The following STXBP5L variants were observed in gnomAD, a reference collection of about 807,000 sequenced individuals.
The protein encoded by STXBP5L is syntaxin-binding protein 5-like.
STXBP5L carries 65 observed loss-of-function variants against 144.5 expected under a neutral mutation model. The observed-to-expected ratio is 0.45, with a 90% confidence interval of 0.37 to 0.55. The LOEUF is 0.55. Among genes scored for constraint, STXBP5L ranks in the 20% least tolerant of loss-of-function variants. The probability of loss-of-function intolerance (pLI) is 0.00; values close to 1 mark genes in which losing one functional copy is unlikely to be tolerated. For missense variants in STXBP5L, 1,298 were observed against 1,405.5 expected (o/e 0.92, Z 1.22); for synonymous variants, 505 against 469.6 (o/e 1.08, Z -0.97).
chr3:121,111,249 A>G (rs896757697), intron 5 of STXBP5L, among the ~76,000 whole-genome samples: 8 of 152,130 alleles, frequency 5.3e-5, no homozygotes, highest in Admixed American at 4.6e-4. Flanking sequence ...CAATTCATTC[A>G]TTTCAGCCCT....
rs762254765 is a variant in STXBP5L at position 121,132,780 on chromosome 3, G to C, written c.669+11076G>C. ...GAACAAAACTAGAATTTTCAGGAAAGAGAAAATATTTAAAAGTACTAAACA... is the reference window on the plus strand; with the variant it reads ...GAACAAAACTAGAATTTTCAGGAAACAGAAAATATTTAAAAGTACTAAACA... On this transcript the variant is annotated intron_variant, in intron 7 of 26. Coordinates refer to ENST00000471454, the MANE Select transcript of STXBP5L (RefSeq NM_001308330.2). 2.6e-5 allele frequency among the ~76,000 whole-genome samples: 4 copies of C among 151,956 alleles called. 1 individual carries two copies. Among genetic ancestry groups the C allele is most frequent in the Admixed American group, 2.6e-4 (4 of 15,246 alleles).
At chr3:121,053,931 G>C (rs1486324855) in intron 5 of STXBP5L, among the ~76,000 whole-genome samples, 1 of 152,014 alleles carries the variant, frequency 6.6e-6, no homozygotes, top group African/African-American at 2.4e-5. Context: ...GTGGGCAAAG[G>C]ATATGAACAG....
intron 5 of STXBP5L, among the ~76,000 whole-genome samples, chr3:121,064,316 G>C (rs555723229): frequency 1.3e-5 from 2 of 152,310 alleles, no homozygotes; most frequent in South Asian, 4.1e-4. Context: ...TATCTAACCA[G>C]TCCCAGTGAG....
chr3:121,407,751 G>A (rs1304978348), intron 23 of STXBP5L, 148 bp downstream of exon 23: 43 of 1,146,600 alleles, frequency 3.8e-5, no homozygotes, highest in Non-Finnish European at 5.1e-5. Flanking sequence ...ATTGTTCAAC[G>A]ATTTGATGAG....
intron 7 of STXBP5L, among the ~76,000 whole-genome samples, chr3:121,151,126 A>C (rs552585668): frequency 6.6e-6 from 1 of 152,002 alleles, no homozygotes; most frequent in South Asian, 2.1e-4. Flanking sequence ...AATTGGTTTC[A>C]TCGTTCATCA....
At chr3:121,088,448 G>A (rs2042606097) in intron 5 of STXBP5L, among the ~76,000 whole-genome samples, 2 of 105,362 alleles carry the variant, frequency 1.9e-5, no homozygotes, top group African/African-American at 7.5e-5. Context: ...AACAACAGGT[G>A]CTGGAGAGGA....
chr3:120,929,722 G>A (rs1020532781), intron 2 of STXBP5L, among the ~76,000 whole-genome samples: 42 of 152,044 alleles, frequency 2.8e-4, no homozygotes, highest in African/African-American at 9.7e-4. Context: ...TCACCTAGTA[G>A]TATATAACTG....
intron 3 of STXBP5L, among the ~76,000 whole-genome samples, chr3:121,018,102 T>TGAAC (rs145229317): frequency 0.099 from 15,065 of 152,066 alleles, 1,166 homozygotes; most frequent in Admixed American, 0.2. Context: ...AATGAATGAA[T>TGAAC]GAAGAGATAT....
chr3:121,420,355 T>C lies in STXBP5L; in HGVS notation c.*1258T>C, dbSNP rs898316065. On this transcript the variant is annotated 3_prime_UTR_variant, in exon 27 of 27. Coordinates refer to ENST00000471454, the MANE Select transcript of STXBP5L (RefSeq NM_001308330.2). ...TGGTCTCAGTCATCATTATAGACAA[T>C]AGAAATACATAAAGAGTTTAATGAT... The C allele has an allele frequency of 1.3e-5, 2 of 151,768 alleles. No individual in the cohort carries two copies. The highest frequency in any genetic ancestry group is 4.8e-5 in the African/African-American group (2 of 41,396). 9.4% of individuals were successfully genotyped at this position (151,768 alleles called of 1,614,324 possible). A position where few individuals can be genotyped will look rare whatever the true frequency, so the allele number is the denominator to read the frequency against.
chr3:120,990,976 A>T (rs1942796024), intron 3 of STXBP5L, among the ~76,000 whole-genome samples: 1 of 152,236 alleles, frequency 6.6e-6, no homozygotes, highest in African/African-American at 2.4e-5. Context: ...CAAAACTGAC[A>T]AATGGGATCT....
intron 10 of STXBP5L, among the ~76,000 whole-genome samples, chr3:121,221,940 T>C (rs561997010): frequency 6.6e-6 from 1 of 151,940 alleles, no homozygotes; most frequent in Non-Finnish European, 1.5e-5. Context: ...TGATAATGTT[T>C]GGCGCCACAC....
At chr3:121,155,021 A>G (rs1244902046) in intron 8 of STXBP5L, among the ~76,000 whole-genome samples, 1 of 151,882 alleles carries the variant, frequency 6.6e-6, no homozygotes, top group Non-Finnish European at 1.5e-5. Context: ...CTATAAGAGC[A>G]TTTTAACTAA....
intron 5 of STXBP5L, among the ~76,000 whole-genome samples, chr3:121,105,265 G>A (rs779977886): frequency 1.1e-4 from 16 of 151,940 alleles, no homozygotes; most frequent in Non-Finnish European, 1.8e-4. Flanking sequence ...GTGTGGTGGC[G>A]TGCTCCTGTA....
intron 22 of STXBP5L, among the ~76,000 whole-genome samples, chr3:121,384,423 G>A (rs967115688): frequency 5.9e-5 from 9 of 151,940 alleles, no homozygotes; most frequent in East Asian, 1.9e-4. Context: ...CAGCATTTTC[G>A]AAGACCAAAG....
chr3:121,094,279 C>G (rs1032219220), intron 5 of STXBP5L, among the ~76,000 whole-genome samples: 45 of 152,212 alleles, frequency 3.0e-4, no homozygotes, highest in African/African-American at 1.0e-3. Context: ...CTGTAGATGT[C>G]TATTAGGTCC....
At chr3:121,250,837 T>C (rs1314330680) in intron 15 of STXBP5L, 74 bp downstream of exon 15, 24 of 1,323,248 alleles carry the variant, frequency 1.8e-5, no homozygotes, top group Non-Finnish European at 2.2e-5. Context: ...ACTTTTTAGT[T>C]TGGGCAATTA....
intron 9 of STXBP5L, among the ~76,000 whole-genome samples, chr3:121,183,105 G>T (rs1458191283): frequency 2.0e-5 from 3 of 152,072 alleles, no homozygotes; most frequent in Non-Finnish European, 4.4e-5. Flanking sequence ...CCATTAATAT[G>T]AAAACACTCA....
At chr3:121,341,532 A>G (rs1409927650) in intron 20 of STXBP5L, among the ~76,000 whole-genome samples, 1 of 151,908 alleles carries the variant, frequency 6.6e-6, no homozygotes, top group East Asian at 1.9e-4. Flanking sequence ...AGCCAGAAGA[A>G]AGGAAATTTG....
At chr3:121,120,230 G>C (rs761914399) in intron 6 of STXBP5L, among the ~76,000 whole-genome samples, 4 of 151,268 alleles carry the variant, frequency 2.6e-5, no homozygotes, top group African/African-American at 9.7e-5. Flanking sequence ...GCTATGGTTT[G>C]TTGGCAATTA....
Sources: allele counts gnomAD v4.1 joint callset (sites outside exome capture counted in the v4.1 genomes callset), GRCh38; gene constraint gnomAD v4.1.1; transcripts MANE v1.5; gene names NCBI Gene and HGNC (gene_info 2026-07-23, HGNC 2026-07-21).